CDH15: variants seen among roughly 807,000 people sequenced by gnomAD.
The protein encoded by CDH15 is cadherin-15.
A neutral mutation model predicts 69.4 loss-of-function variants in CDH15; 73 were observed. That is an observed-to-expected ratio of 1.05 (90% CI 0.87 to 1.28). The LOEUF (loss-of-function observed/expected upper bound fraction) is 1.28, where lower values mean the gene tolerates loss of function less well. CDH15 is among the 50% of genes most tolerant of loss of function. CDH15 has a pLI of 0.00. For synonymous variants in CDH15, 624 were observed against 507.7 expected (o/e 1.23, Z -3.08); for missense variants, 1,343 against 1,133.6 (o/e 1.18, Z -2.65).
rs1915763783 is a variant in CDH15, at chr16:89,194,891, T to C, written c.2181T>C (p.Ser727=). The change falls in exon 14 of 14, where the codon AGT becomes AGC. Residue 727 remains serine, a synonymous_variant. Coordinates refer to ENST00000289746, the MANE Select transcript of CDH15 (RefSeq NM_004933.3). ...DGLEAADSDP[S]VPPYDTALIY... ...TGGAGGCTGCAGATAGTGACCCCAG[T>C]GTGCCGCCTTACGACACAGCCCTCA... 4 of 1,607,028 alleles carry C rather than the reference T, an allele frequency of 2.5e-6. No homozygotes were observed. The highest frequency in any genetic ancestry group is 3.4e-6 in the Non-Finnish European group (4 of 1,176,940).
At chr16:89,177,753 A>G (rs891229561) in intron 1 of CDH15, among the ~76,000 whole-genome samples, 43 of 152,140 alleles carry the variant, frequency 2.8e-4, no homozygotes, top group African/African-American at 1.0e-3. Context: ...GGTGACCCCC[A>G]TGTCCGTGCC....
In CDH15 at chr16:89,191,418, T is replaced by G; in HGVS notation, c.1321T>G (p.Ser441Ala). 6.2e-7 allele frequency: 1 copy of G among 1,612,550 alleles called. No individual in the cohort carries two copies. Among genetic ancestry groups the G allele is most frequent in the Non-Finnish European group, 8.5e-7 (1 of 1,179,948 alleles). Residue 441 changes from serine to alanine, a missense_variant, in exon 9 of 14, where the codon TCC becomes GCC. By Grantham distance (99) the Ser-to-Ala change is moderately conservative (BLOSUM62 1). Coordinates refer to ENST00000289746, the MANE Select transcript of CDH15 (RefSeq NM_004933.3). The stretch of plus-strand genomic sequence containing the variant: ...GACCCAGCACGTGCTCAGCCCGGCG[T>G]CCCCCTTCCTCAAGGGCGGCTGGTA... ...IQTQHVLSPA[S>A]PFLKGGWYRA...
intron 1 of CDH15, 48 bp from the exon 2 acceptor site, chr16:89,179,368 C>G (rs754312437): frequency 6.2e-7 from 1 of 1,609,298 alleles, no homozygotes; most frequent in Admixed American, 1.7e-5. Context: ...CGCTGCCGCC[C>G]AGGGCTCCAG....
chr16:89,184,540 C>T (rs903784984), intron 4 of CDH15, among the ~76,000 whole-genome samples: 3 of 152,200 alleles, frequency 2.0e-5, no homozygotes, highest in African/African-American at 7.2e-5. Flanking sequence ...CTGGCCTACA[C>T]AGTCACAGTG....
At chr16:89,193,374 G>A in intron 11 of CDH15, 96 bp from the exon 12 acceptor site, 1 of 437,524 alleles carries the variant, frequency 2.3e-6, no homozygotes, top group Non-Finnish European at 3.9e-6. Context: ...TACCAGCCTT[G>A]CCCCGCCCCG....
At chr16:89,181,343 C>T (rs1162094784) in intron 3 of CDH15, among the ~76,000 whole-genome samples, 14 of 152,134 alleles carry the variant, frequency 9.2e-5, no homozygotes, top group Non-Finnish European at 1.8e-4. Context: ...GCGCCGGGCG[C>T]GGTGGCTCAC....
chr16:89,181,583 G>A (rs1287862116), intron 3 of CDH15, among the ~76,000 whole-genome samples: 2 of 151,966 alleles, frequency 1.3e-5, no homozygotes, highest in East Asian at 1.9e-4. Context: ...ACTGCCGTGC[G>A]CCGTGATTGC....
In CDH15 at chr16:89,192,429, G is replaced by T; in HGVS notation, c.1840G>T (p.Ala614Ser). The T allele has an allele frequency of 1.3e-6, 2 of 1,554,396 alleles. No homozygotes were observed. The highest frequency in any genetic ancestry group is 1.7e-6 in the Non-Finnish European group (2 of 1,157,450). ...CGCACTGGTCATCGTGCTGGCCAGC[G>T]CCCTCCTGCTGCTGGGTGAGTGAGC... is the stretch of plus-strand genomic sequence containing the variant. ...LGALVIVLAS[A>S]LLLLVLVLLV... is the part of the protein sequence containing the mutation. The change falls in exon 11 of 14, where the codon GCC (alanine) becomes TCC (serine). Residue 614 changes from alanine (A) to serine (S), a missense_variant. Physicochemically the swap from Ala to Ser is moderately conservative, Grantham distance 99 (BLOSUM62 1). Coordinates refer to ENST00000289746, the MANE Select transcript of CDH15 (RefSeq NM_004933.3).
chr16:89,187,130 G>C (rs1915508435), intron 5 of CDH15, among the ~76,000 whole-genome samples: 1 of 151,518 alleles, frequency 6.6e-6, no homozygotes, highest in Non-Finnish European at 1.5e-5. Flanking sequence ...CGCTTACCCA[G>C]TGCAGAGTAG....
At chr16:89,176,072 GT>G (rs1490772099) in intron 1 of CDH15, among the ~76,000 whole-genome samples, 1 of 152,248 alleles carries the variant, frequency 6.6e-6, no homozygotes, top group Non-Finnish European at 1.5e-5. Context: ...TCCACACAGG[GT>G]AAGCGGCCGG....
chr16:89,192,478 G>C, intron 11 of CDH15, 34 bp downstream of exon 11: 1 of 1,556,388 alleles, frequency 6.4e-7, no homozygotes, highest in Non-Finnish European at 8.6e-7. Flanking sequence ...CTGGACCCTC[G>C]GACCCTCGGA....
chr16:89,180,945 G>C (rs529867394), intron 3 of CDH15, among the ~76,000 whole-genome samples: 2 of 139,606 alleles, frequency 1.4e-5, no homozygotes, highest in East Asian at 2.5e-4. Context: ...GGATGGTCTC[G>C]ATCTCCTGAG....
chr16:89,187,422 T>C lies in CDH15; in HGVS notation c.664-7T>C. The C allele has an allele frequency of 4.3e-6, 7 of 1,612,486 alleles. No homozygotes were observed. The highest frequency in any genetic ancestry group is 5.9e-6 in the Non-Finnish European group (7 of 1,179,960). Reference sequence around the variant, plus strand: ...TCATCTTCTGACCCTGTGCCCCACATCCCCAGGTGGTCGCGGTGTACAATC... The same window carrying C: ...TCATCTTCTGACCCTGTGCCCCACACCCCCAGGTGGTCGCGGTGTACAATC... On this transcript the variant is annotated splice_region_variant and splice_polypyrimidine_tract_variant and intron_variant, in intron 5 of 13. Coordinates refer to ENST00000289746, the MANE Select transcript of CDH15 (RefSeq NM_004933.3).
At chr16:89,177,315 T>G (rs1355624132) in intron 1 of CDH15, among the ~76,000 whole-genome samples, 1 of 151,992 alleles carries the variant, frequency 6.6e-6, no homozygotes, top group African/African-American at 2.4e-5. Context: ...TGGCCACACA[T>G]GGGGCCTTAA....
chr16:89,186,495 G>A (rs1270945945), intron 5 of CDH15, among the ~76,000 whole-genome samples: 1 of 139,088 alleles, frequency 7.2e-6, no homozygotes, highest in Non-Finnish European at 1.5e-5. Flanking sequence ...CACAGTAGGT[G>A]CTCTGTAAAC....
intron 1 of CDH15, 75 bp from the exon 2 acceptor site, chr16:89,179,341 C>A: frequency 1.9e-6 from 3 of 1,571,114 alleles, no homozygotes; most frequent in Non-Finnish European, 2.6e-6. Flanking sequence ...CCTCACCACC[C>A]ACAGCTCCCA....
At chr16:89,184,309 G>A (rs548775488) in intron 4 of CDH15, among the ~76,000 whole-genome samples, 14 of 152,246 alleles carry the variant, frequency 9.2e-5, no homozygotes, top group African/African-American at 2.6e-4. Flanking sequence ...CAGCTGTCCC[G>A]GGGGGAAGTC....
At position 89,180,277 on chromosome 16, in the gene CDH15, C is replaced by T. The variant is rs555779582; in HGVS notation, c.279C>T (p.Gly93=). 6.2e-7 allele frequency: 1 copy of T among 1,610,446 alleles called. No individual in the cohort carries two copies. Among genetic ancestry groups the T allele is most frequent in the South Asian group, 1.1e-5 (1 of 90,464 alleles). ...CCGGCGTGGATGAGGAGCCCCGGGG[C>T]GTCTTCTCTATCGACAAGTTCACAG... ...QGPGVDEEPR[G]VFSIDKFTGK... The change falls in exon 3 of 14, where the codon GGC becomes GGT. Residue 93 remains glycine (G), a synonymous_variant. Coordinates refer to ENST00000289746, the MANE Select transcript of CDH15 (RefSeq NM_004933.3).
chr16:89,195,232 C>T lies in CDH15; in HGVS notation c.*77C>T, dbSNP rs879439057. 41 of 1,413,148 alleles carry T rather than the reference C, an allele frequency of 2.9e-5. No individual in the cohort carries two copies. The Admixed American group carries it at 3.0e-4, about 10-fold the overall frequency. 87.5% of individuals were successfully genotyped at this position (1,413,148 alleles called of 1,614,324 possible). On this transcript the variant is annotated 3_prime_UTR_variant, in exon 14 of 14. Transcript: ENST00000289746. ...CCCTGCAGAGGCAGCCTGAGGTCAC[C>T]GGGCCCGACCCCCCTGGGCCTGGGG... is the stretch of plus-strand genomic sequence containing the variant.
Sources: gnomAD v4.1 joint callset for allele counts (sites outside exome capture counted in the v4.1 genomes callset) on GRCh38, gnomAD v4.1.1 for gene constraint, MANE v1.5 for transcripts, NCBI Gene and HGNC (gene_info 2026-07-23, HGNC 2026-07-21) for gene names.